ARID5B: variants seen among roughly 807,000 people sequenced by gnomAD.
ARID5B encodes AT-rich interactive domain-containing protein 5B.
Under a neutral mutation model 97.2 loss-of-function variants are expected in ARID5B, and 13 were observed. That is an observed-to-expected ratio of 0.13 (90% CI 0.09 to 0.21). The LOEUF is 0.21. Ranked by LOEUF, ARID5B falls within the 10% of genes least tolerant of loss-of-function variation. ARID5B has a pLI of 1.00. For synonymous variants in ARID5B, 556 were observed against 570.3 expected, an observed-to-expected ratio of 0.97 and a Z score of 0.36; for missense variants, 1,210 against 1,465.3, an observed-to-expected ratio of 0.83 and a Z score of 2.84.
chr10:61,983,991 C>G (rs1209051903), intron 3 of ARID5B, among the ~76,000 whole-genome samples: 1 of 23,980 alleles, frequency 4.2e-5, no homozygotes, highest in Non-Finnish European at 1.1e-4. Flanking sequence ...GGGTTCACGC[C>G]ATTCTCCTGC....
intron 9 of ARID5B, among the ~76,000 whole-genome samples, chr10:62,090,132 C>G (rs557947192): frequency 1.3e-5 from 2 of 152,168 alleles, no homozygotes; most frequent in Non-Finnish European, 2.9e-5. Flanking sequence ...GCTATATTTG[C>G]GGTGGCACTG....
intron 2 of ARID5B, among the ~76,000 whole-genome samples, chr10:61,909,720 C>T (rs1185996665): frequency 6.6e-6 from 1 of 152,198 alleles, no homozygotes; most frequent in African/African-American, 2.4e-5. Context: ...TTCTTTCTGG[C>T]AGATGACCAG....
chr10:62,066,013 G>A (rs1346950988), intron 7 of ARID5B, among the ~76,000 whole-genome samples: 1 of 152,138 alleles, frequency 6.6e-6, no homozygotes, highest in Admixed American at 6.5e-5. Flanking sequence ...TTTTCCAGCT[G>A]ATTGAGGCTG....
At chr10:62,072,895 C>T (rs547888934) in intron 8 of ARID5B, among the ~76,000 whole-genome samples, 1 of 152,318 alleles carries the variant, frequency 6.6e-6, no homozygotes, top group Admixed American at 6.5e-5. Flanking sequence ...AGAGGACATG[C>T]ACATATATCC....
Position 62,095,987 on chromosome 10 carries a change from A to T in ARID5B, c.*2957A>T, listed in dbSNP as rs548607787. On this transcript the variant is annotated 3_prime_UTR_variant, in exon 10 of 10. Coordinates refer to ENST00000279873, the MANE Select transcript of ARID5B (RefSeq NM_032199.3). ...TTTGGAGATTCTAAATAATATTTTT[A>T]AAAAACTTCCATGCAACTTCTGGTT... The T allele has an allele frequency of 1.8e-4, 41 of 232,742 alleles. No individual in the cohort carries two copies. In the East Asian group the frequency reaches 2.4e-3, roughly 13 times the overall value. The allele number at this position is 232,742 out of a possible 1,614,324, so 14.4% of individuals were successfully genotyped here.
At chr10:62,022,062 C>T (rs183475927) in intron 4 of ARID5B, among the ~76,000 whole-genome samples, 16 of 152,300 alleles carry the variant, frequency 1.1e-4, no homozygotes, top group Admixed American at 3.9e-4. Flanking sequence ...GGCACTGTCC[C>T]CCTGTCCCAT....
intron 4 of ARID5B, among the ~76,000 whole-genome samples, chr10:62,012,643 A>C (rs1839232975): frequency 1.3e-5 from 2 of 152,094 alleles, no homozygotes; most frequent in Admixed American, 1.3e-4. Context: ...ATGCTTATCT[A>C]CTCTGTTGCC....
chr10:61,997,168 G>C (rs1839012227), intron 3 of ARID5B, among the ~76,000 whole-genome samples: 1 of 152,004 alleles, frequency 6.6e-6, no homozygotes, highest in African/African-American at 2.4e-5. Flanking sequence ...GTTGAGAGTA[G>C]GGGGAACTTG....
chr10:62,091,422 G>A lies in ARID5B; in HGVS notation c.1959G>A (p.Ser653=), dbSNP rs374936299. Residue 653 remains serine, a synonymous_variant, in exon 10 of 10, where the codon TCG becomes TCA. Transcript: ENST00000279873. ...CCCCAAAGGTCCTTGTGGTCCAGTC[G>A]TTTGACATGTTCAAAGACAAAGACC... is the stretch of plus-strand genomic sequence containing the variant. The part of the protein sequence containing the change: ...KQTPKVLVVQ[S]FDMFKDKDLT... 1.1e-4 allele frequency: 185 copies of A among 1,612,620 alleles called. No homozygotes were observed. The highest frequency in any genetic ancestry group is 1.5e-4 in the Non-Finnish European group (172 of 1,179,120).
At chr10:62,056,341 G>C (rs1280968981) in intron 5 of ARID5B, among the ~76,000 whole-genome samples, 1 of 152,086 alleles carries the variant, frequency 6.6e-6, no homozygotes, top group East Asian at 1.9e-4. Flanking sequence ...TATTCTTAGA[G>C]CTGACTGATA....
chr10:62,046,388 C>G (rs1448265607), intron 4 of ARID5B, among the ~76,000 whole-genome samples: 4 of 152,210 alleles, frequency 2.6e-5, no homozygotes, highest in Non-Finnish European at 5.9e-5. Context: ...TGTGTGAACC[C>G]GTAGTGAAAT....
intron 3 of ARID5B, among the ~76,000 whole-genome samples, chr10:61,949,751 A>G (rs145720233): frequency 1.3e-5 from 2 of 152,376 alleles, no homozygotes; most frequent in South Asian, 2.1e-4. Flanking sequence ...AACTGTCTGT[A>G]GAGATTGCCA....
chr10:61,996,839 TG>T lies in ARID5B; in HGVS notation c.503-3246del, dbSNP rs368492697. ...GATTTTGCTTCTTTGTTCTATGTAC[TG>T]GGGGGTTAGGAGAGAAATAAGAATT... On this transcript the variant is annotated intron_variant, in intron 3 of 9. Coordinates refer to ENST00000279873, the MANE Select transcript of ARID5B (RefSeq NM_032199.3). 6.5e-4 allele frequency among the ~76,000 whole-genome samples: 98 copies of T among 151,234 alleles called. 1 individual carries two copies. The East Asian group carries it at 0.017, about 27-fold the overall frequency.
intron 3 of ARID5B, among the ~76,000 whole-genome samples, chr10:61,990,464 T>C (rs999776802): frequency 2.0e-5 from 3 of 152,254 alleles, no homozygotes; most frequent in African/African-American, 7.2e-5. Context: ...GGAAGTGTCA[T>C]TGGTTCAGAG....
intron 5 of ARID5B, among the ~76,000 whole-genome samples, chr10:62,052,555 C>A (rs1564637645): frequency 6.6e-6 from 1 of 152,190 alleles, no homozygotes; most frequent in Non-Finnish European, 1.5e-5. Context: ...GAATCACCAC[C>A]AAGGTCTGCT....
chr10:62,033,367 T>C (rs2132907813), intron 4 of ARID5B, among the ~76,000 whole-genome samples: 1 of 152,362 alleles, frequency 6.6e-6, no homozygotes, highest in East Asian at 1.9e-4. Flanking sequence ...AGTTTTTGCC[T>C]TGAGATTTAA....
chr10:61,989,006 C>T (rs142671524), intron 3 of ARID5B, among the ~76,000 whole-genome samples: 3,005 of 147,490 alleles, frequency 0.02, 31 homozygotes, highest in Non-Finnish European at 0.026. Context: ...CTCGGCTCAC[C>T]GCAACCTCTG....
At chr10:62,041,357 G>A (rs1417082977) in intron 4 of ARID5B, among the ~76,000 whole-genome samples, 1 of 152,200 alleles carries the variant, frequency 6.6e-6, no homozygotes, top group Non-Finnish European at 1.5e-5. Context: ...GAGGAAGGGT[G>A]AGAGGGATTT....
intron 4 of ARID5B, among the ~76,000 whole-genome samples, chr10:62,024,309 TAA>T (rs149408003): frequency 0.011 from 1,685 of 152,316 alleles, 32 homozygotes; most frequent in African/African-American, 0.038. Context: ...ATATAGAACT[TAA>T]GAGACTCCTA....
Sources: allele counts gnomAD v4.1 joint callset (sites outside exome capture counted in the v4.1 genomes callset), GRCh38; gene constraint gnomAD v4.1.1; transcripts MANE v1.5; gene names NCBI Gene and HGNC (gene_info 2026-07-23, HGNC 2026-07-21).